Variants in HERC3 observed in about 807,000 individuals in gnomAD.
The protein encoded by HERC3 is probable E3 ubiquitin-protein ligase HERC3.
In HERC3, 58 loss-of-function variants were observed where a neutral mutation model predicts 129.9. The ratio of observed to expected loss-of-function variants is 0.45; its 90% CI spans 0.36 to 0.56. HERC3 has a LOEUF of 0.56. Among genes scored for constraint, HERC3 ranks in the 20% least tolerant of loss-of-function variants. The probability of loss-of-function intolerance (pLI) is 0.00; values close to 1 mark genes in which losing one functional copy is unlikely to be tolerated. For missense variants in HERC3, 835 were observed against 1,244.2 expected, an observed-to-expected ratio of 0.67 and a Z score of 4.95; for synonymous variants, 430 against 451.0, an observed-to-expected ratio of 0.95 and a Z score of 0.59.
At chr4:88,697,211 T>C in intron 23 of HERC3, 1 of 1,516,966 alleles carries the variant, frequency 6.6e-7, no homozygotes, top group African/African-American at 1.4e-5. Flanking sequence ...CCCCCTTACT[T>C]CTTGGCGTCA....
rs147433297 is a variant in HERC3 at position 88,656,093 on chromosome 4, A to G, written c.1069+58A>G. 929 of 1,536,874 alleles carry G rather than the reference A, an allele frequency of 6.0e-4. 4 individuals are homozygous for G. In the African/African-American group the frequency reaches 8.2e-3, roughly 14 times the overall value. On this transcript the variant is annotated intron_variant, in intron 9 of 25. Transcript: ENST00000402738. ...TTTTAAGTGATGAAAACAGTTGTTT[A>G]CAGAATATGTATCTATTACTTACTT...
At chr4:88,621,301 T>G (rs1034029582) in intron 3 of HERC3, among the ~76,000 whole-genome samples, 4 of 152,172 alleles carry the variant, frequency 2.6e-5, no homozygotes, top group African/African-American at 9.7e-5. Flanking sequence ...GAGACAGGGT[T>G]TTGCCATGTT....
chr4:88,574,404 T>TTAC, the HERC3 span, among the ~76,000 whole-genome samples: 9 of 152,138 alleles, frequency 5.9e-5, no homozygotes, highest in African/African-American at 1.9e-4. Context: ...TTAATAGTTA[T>TTAC]TATTTTTAAT....
chr4:88,595,975 G>A (rs574277266), intron 2 of HERC3, among the ~76,000 whole-genome samples: 2 of 148,520 alleles, frequency 1.3e-5, no homozygotes, highest in Admixed American at 6.9e-5. Context: ...TCAGCCTCCC[G>A]AGTAGCTGGG....
rs3036481 is a variant in HERC3 at position 88,607,172 on chromosome 4, G to GGT, written c.226+1146_226+1147dup. 8.3e-3 allele frequency among the ~76,000 whole-genome samples: 1,239 copies of GGT among 149,804 alleles called. 9 individuals carry two copies. Among genetic ancestry groups the GGT allele is most frequent in the East Asian group, 0.024 (122 of 5,058 alleles). On this transcript the variant is annotated intron_variant, in intron 3 of 25. Transcript: ENST00000402738. ...GCCTTTGGGTGTTGAGTAGCACTTT[G>GGT]GTGTGTGTGTGTGTGTGTGTGTGTA...
chr4:88,706,458 GTCT>G (rs901964864), intron 25 of HERC3, among the ~76,000 whole-genome samples: 1 of 152,214 alleles, frequency 6.6e-6, no homozygotes, highest in Non-Finnish European at 1.5e-5. Flanking sequence ...AGAGACTTCA[GTCT>G]TCTTCTGTTT....
chr4:88,611,568 A>G (rs900085697), intron 3 of HERC3, among the ~76,000 whole-genome samples: 1 of 152,208 alleles, frequency 6.6e-6, no homozygotes, highest in Non-Finnish European at 1.5e-5. Flanking sequence ...ACTTTGAAAT[A>G]TGAAGGATTT....
the HERC3 span, among the ~76,000 whole-genome samples, chr4:88,556,824 A>T: frequency 9.3e-5 from 14 of 149,834 alleles, no homozygotes; most frequent in Non-Finnish European, 1.9e-4. Flanking sequence ...TTTTTTTTTT[A>T]AATAGTGTCA....
rs151064411 is a variant in HERC3, at chr4:88,606,290, C to T, written c.226+241C>T. Among the ~76,000 whole-genome samples the T allele has an allele frequency of 2.9e-4, 43 of 149,180 alleles. No homozygotes were observed. The East Asian group carries it at 5.3e-3, about 18-fold the overall frequency. On this transcript the variant is annotated intron_variant, in intron 3 of 25. Coordinates refer to ENST00000402738, the MANE Select transcript of HERC3 (RefSeq NM_014606.3). ...TTTTTGAGATATGGTCTCGCTCCGTCGCCCAGGCTTGAGTGCAGTGGTGAG... is the reference window on the plus strand; with the variant it reads ...TTTTTGAGATATGGTCTCGCTCCGTTGCCCAGGCTTGAGTGCAGTGGTGAG...
intron 23 of HERC3, among the ~76,000 whole-genome samples, chr4:88,700,788 G>C (rs1735252268): frequency 6.6e-6 from 1 of 152,174 alleles, no homozygotes. Context: ...AGGGTAGGCT[G>C]TAAGGCTAGA....
the HERC3 span, among the ~76,000 whole-genome samples, chr4:88,575,166 C>A: frequency 6.6e-6 from 1 of 152,122 alleles, no homozygotes; most frequent in South Asian, 2.1e-4. Flanking sequence ...TACTAAATGC[C>A]AATTACCTAT....
chr4:88,538,896 A>G, the HERC3 span, among the ~76,000 whole-genome samples: 2 of 152,200 alleles, frequency 1.3e-5, no homozygotes, highest in South Asian at 2.1e-4. Context: ...TCCACCCACC[A>G]TAACCTCATT....
the HERC3 span, among the ~76,000 whole-genome samples, chr4:88,581,737 C>T: frequency 6.6e-6 from 1 of 152,142 alleles, no homozygotes; most frequent in African/African-American, 2.4e-5. Flanking sequence ...CAGGCATGAG[C>T]CACTGCCCCT....
At chr4:88,623,112 G>A (rs9996732) in intron 3 of HERC3, among the ~76,000 whole-genome samples, 14,680 of 152,168 alleles carry the variant, frequency 0.096, 1,082 homozygotes, top group South Asian at 0.23. Context: ...GTATAAGCTA[G>A]TTTCTTATGT....
chr4:88,697,319 C>T (rs138041474), intron 23 of HERC3: 2 of 1,613,478 alleles, frequency 1.2e-6, no homozygotes, highest in Non-Finnish European at 1.7e-6. Context: ...TCCTCGTCAT[C>T]CTCGTACTCC....
intron 3 of HERC3, among the ~76,000 whole-genome samples, chr4:88,612,386 C>T (rs1206251836): frequency 1.3e-5 from 2 of 151,234 alleles, no homozygotes; most frequent in Non-Finnish European, 2.9e-5. Flanking sequence ...TATTCAGGCC[C>T]CAGATATTTT....
the HERC3 span, among the ~76,000 whole-genome samples, chr4:88,574,889 CTCTT>C: frequency 6.6e-6 from 1 of 152,292 alleles, no homozygotes; most frequent in African/African-American, 2.4e-5. Context: ...CTACAAAGAT[CTCTT>C]TGAGACCTTG....
chr4:88,594,292 T>C (rs1578129055), intron 1 of HERC3, among the ~76,000 whole-genome samples: 1 of 152,364 alleles, frequency 6.6e-6, no homozygotes, highest in East Asian at 1.9e-4. Flanking sequence ...ATGAGAGTAG[T>C]AGTACCCCTA....
chr4:88,640,525 G>A (rs1169607526), intron 3 of HERC3, among the ~76,000 whole-genome samples: 2 of 152,172 alleles, frequency 1.3e-5, no homozygotes, highest in Non-Finnish European at 2.9e-5. Flanking sequence ...GTTGAACAAT[G>A]AGAACACATG....
Sources: gnomAD v4.1 joint callset for allele counts (sites outside exome capture counted in the v4.1 genomes callset) on GRCh38, gnomAD v4.1.1 for gene constraint, MANE v1.5 for transcripts, NCBI Gene and HGNC (gene_info 2026-07-23, HGNC 2026-07-21) for gene names.